BTRC: variants seen among roughly 807,000 people sequenced by gnomAD.
The protein encoded by BTRC is beta-transducin repeat containing E3 ubiquitin protein ligase, also known as F-box/WD repeat-containing protein 1A.
In BTRC, 42 loss-of-function variants were observed where a neutral mutation model predicts 85.5. The ratio of observed to expected loss-of-function variants is 0.49; its 90% CI spans 0.38 to 0.64. The LOEUF (loss-of-function observed/expected upper bound fraction) is 0.64. Ranked by LOEUF, BTRC falls within the 30% of genes least tolerant of loss-of-function variation. BTRC has a pLI of 0.00. For missense variants in BTRC, 594 were observed against 743.5 expected (o/e 0.80, Z 2.34); for synonymous variants, 255 against 263.3 (o/e 0.97, Z 0.30).
chr10:101,412,867 A>G (rs945582814), intron 1 of BTRC, among the ~76,000 whole-genome samples: 8 of 152,346 alleles, frequency 5.3e-5, no homozygotes, highest in Admixed American at 1.3e-4. Context: ...GTCTTTCCCA[A>G]TGTTAAGCCC....
intron 1 of BTRC, among the ~76,000 whole-genome samples, chr10:101,356,361 C>T (rs1249294886): frequency 1.3e-5 from 2 of 152,208 alleles, no homozygotes; most frequent in Non-Finnish European, 2.9e-5. Flanking sequence ...ATGTGATTTA[C>T]AGATCATAAA....
intron 2 of BTRC, among the ~76,000 whole-genome samples, chr10:101,437,584 A>G (rs1465920431): frequency 6.6e-6 from 1 of 152,236 alleles, no homozygotes; most frequent in Non-Finnish European, 1.5e-5. Flanking sequence ...TTTCAGTGAT[A>G]CTAGTAATTT....
chr10:101,373,539 A>C (rs1214513207), intron 1 of BTRC, among the ~76,000 whole-genome samples: 1 of 152,190 alleles, frequency 6.6e-6, no homozygotes, highest in Non-Finnish European at 1.5e-5. Flanking sequence ...AGGTAAGGGA[A>C]AATGAGTGTT....
chr10:101,484,071 A>C (rs1053865612), intron 4 of BTRC, among the ~76,000 whole-genome samples: 1 of 152,192 alleles, frequency 6.6e-6, no homozygotes, highest in African/African-American at 2.4e-5. Flanking sequence ...AGATAAGAGA[A>C]GTTTTTCCTC....
chr10:101,419,936 A>C (rs1944053350), intron 1 of BTRC, among the ~76,000 whole-genome samples: 1 of 152,022 alleles, frequency 6.6e-6, no homozygotes, highest in Admixed American at 6.6e-5. Flanking sequence ...TGTTCTAAGG[A>C]GCTCTGGTTC....
At chr10:101,539,645 G>C (rs2062437583) in intron 13 of BTRC, among the ~76,000 whole-genome samples, 1 of 152,174 alleles carries the variant, frequency 6.6e-6, no homozygotes, top group South Asian at 2.1e-4. Flanking sequence ...TAGAAGTCTT[G>C]GGATGAATGT....
intron 1 of BTRC, among the ~76,000 whole-genome samples, chr10:101,415,508 TA>T (rs1943915102): frequency 2.2e-4 from 1 of 4,596 alleles, no homozygotes; most frequent in Non-Finnish European, 2.2e-3. Flanking sequence ...TATGTTATGT[TA>T]TGTTATGTTA....
chr10:101,490,615 A>G (rs1946105767), intron 4 of BTRC, among the ~76,000 whole-genome samples: 1 of 152,076 alleles, frequency 6.6e-6, no homozygotes, highest in Non-Finnish European at 1.5e-5. Flanking sequence ...CCCCCATCGC[A>G]TTGTGTAGCT....
At chr10:101,380,767 C>G (rs555011576) in intron 1 of BTRC, among the ~76,000 whole-genome samples, 5 of 152,138 alleles carry the variant, frequency 3.3e-5, no homozygotes, top group Non-Finnish European at 7.3e-5. Flanking sequence ...CCTGTCTTAA[C>G]TACAGTCATG....
At position 101,467,945 on chromosome 10, in the gene BTRC, A is replaced by G. The variant is rs77314752; in HGVS notation, c.234+5887A>G. 3.8e-3 allele frequency among the ~76,000 whole-genome samples: 575 copies of G among 152,302 alleles called. 12 individuals carry two copies. The East Asian group carries it at 0.062, about 16-fold the overall frequency. ...GTAATTAATGTAGGTCTCTTAAGTA[A>G]GACAAAAGTGATCTTTCCAAATCTG... On this transcript the variant is annotated intron_variant, in intron 3 of 14. Coordinates refer to ENST00000370187, the MANE Select transcript of BTRC (RefSeq NM_033637.4).
chr10:101,498,283 A>G (rs1005305082), intron 4 of BTRC, among the ~76,000 whole-genome samples: 6 of 151,856 alleles, frequency 4.0e-5, no homozygotes. Context: ...CCTCCCTAGT[A>G]GCTGGGACCA....
chr10:101,529,930 C>T (rs1045658318), intron 6 of BTRC, among the ~76,000 whole-genome samples: 5 of 152,218 alleles, frequency 3.3e-5, no homozygotes, highest in Admixed American at 6.5e-5. Context: ...TTGCAAGGCA[C>T]GGTGCCAGTG....
chr10:101,454,660 T>C (rs1400118705), intron 2 of BTRC, among the ~76,000 whole-genome samples: 1 of 152,136 alleles, frequency 6.6e-6, no homozygotes, highest in Non-Finnish European at 1.5e-5. Context: ...CGTATACCTG[T>C]AGTCTTAGCT....
rs755481178 is a variant in BTRC, at chr10:101,549,713, C to CAAAAAAAAAA, written c.1657-972_1657-963dup. The stretch of plus-strand genomic sequence containing the variant: ...GGGGCGAAAGAGCGAGACTCTGTCT[C>CAAAAAAAAAA]AAAAAAAAAAAAAAAAAAAAAAAGA... On this transcript the variant is annotated intron_variant, in intron 13 of 14. Coordinates refer to ENST00000370187, the MANE Select transcript of BTRC (RefSeq NM_033637.4). Among the ~76,000 whole-genome samples, 117 of 42,760 alleles carry CAAAAAAAAAA rather than the reference C, an allele frequency of 2.7e-3. 19 individuals are homozygous for CAAAAAAAAAA. The highest frequency in any genetic ancestry group is 0.01 in the East Asian group (8 of 792). 28.1% of individuals were successfully genotyped at this position (42,760 alleles called of 152,430 possible).
At chr10:101,525,201 G>A (rs764348002) in intron 5 of BTRC, among the ~76,000 whole-genome samples, 17 of 152,106 alleles carry the variant, frequency 1.1e-4, no homozygotes, top group Non-Finnish European at 1.9e-4. Context: ...TTTGGGTGGT[G>A]GAGAACTTTA....
intron 3 of BTRC, among the ~76,000 whole-genome samples, chr10:101,472,687 C>T (rs1309374171): frequency 2.0e-5 from 3 of 152,136 alleles, no homozygotes; most frequent in East Asian, 3.9e-4. Flanking sequence ...TGGTGGCGCA[C>T]ACCTGTAGTC....
At chr10:101,484,604 C>CATG (rs1945933484) in intron 4 of BTRC, among the ~76,000 whole-genome samples, 1 of 152,174 alleles carries the variant, frequency 6.6e-6, no homozygotes, top group Non-Finnish European at 1.5e-5. Flanking sequence ...TGTTAACAGG[C>CATG]TTCTTTAAGA....
chr10:101,360,389 T>G (rs1235912350), intron 1 of BTRC, among the ~76,000 whole-genome samples: 26 of 145,980 alleles, frequency 1.8e-4, no homozygotes, highest in Non-Finnish European at 3.6e-4. Flanking sequence ...TTTTTTTTTT[T>G]TTGAGATGGA....
chr10:101,531,415 C>T, intron 7 of BTRC, 82 bp downstream of exon 7: 2 of 1,094,252 alleles, frequency 1.8e-6, no homozygotes, highest in East Asian at 2.5e-5. Flanking sequence ...TTACAGCAAG[C>T]CCATTAAGGT....
Sources: allele counts gnomAD v4.1 joint callset (sites outside exome capture counted in the v4.1 genomes callset), GRCh38; gene constraint gnomAD v4.1.1; transcripts MANE v1.5; gene names NCBI Gene and HGNC (gene_info 2026-07-23, HGNC 2026-07-21).